SEL1L2: variants seen among roughly 807,000 people sequenced by gnomAD.
The protein encoded by SEL1L2 is protein sel-1 homolog 2.
A neutral mutation model predicts 98.8 loss-of-function variants in SEL1L2; 89 were observed. That is an observed-to-expected ratio of 0.90 (90% CI 0.76 to 1.07). The LOEUF is 1.07. Among genes scored for constraint, SEL1L2 ranks in the 50% least tolerant of loss-of-function variants. The pLI, the probability that SEL1L2 is intolerant of heterozygous loss-of-function variation, is 0.00. For synonymous variants in SEL1L2, 262 were observed against 278.5 expected, an observed-to-expected ratio of 0.94 and a Z score of 0.59; for missense variants, 788 against 812.0, an observed-to-expected ratio of 0.97 and a Z score of 0.36.
chr20:13,869,722 A>T (rs2046094763), intron 13 of SEL1L2, 132 bp from the exon 14 acceptor site: 1 of 607,942 alleles, frequency 1.6e-6, no homozygotes, highest in Non-Finnish European at 2.9e-6. Flanking sequence ...TATCAGAAAC[A>T]TTATATATTT....
chr20:13,887,660 G>A (rs974700292), intron 8 of SEL1L2, 109 bp downstream of exon 8: 18 of 704,868 alleles, frequency 2.6e-5, no homozygotes, highest in African/African-American at 1.4e-4. Flanking sequence ...TATTAAAAAC[G>A]TACACTTTTG....
chr20:13,925,942 A>G (rs1244981878), intron 3 of SEL1L2, among the ~76,000 whole-genome samples: 1 of 152,250 alleles, frequency 6.6e-6, no homozygotes, highest in Admixed American at 6.5e-5. Flanking sequence ...AAAAACTTGT[A>G]GTAAATACTA....
intron 1 of SEL1L2, among the ~76,000 whole-genome samples, chr20:13,986,800 T>C: frequency 6.6e-6 from 1 of 152,334 alleles, no homozygotes; most frequent in East Asian, 1.9e-4. Context: ...TCACATTGTA[T>C]AGGTTGGTGC....
intron 2 of SEL1L2, among the ~76,000 whole-genome samples, chr20:13,953,216 C>A (rs952164347): frequency 6.6e-6 from 1 of 152,122 alleles, no homozygotes; most frequent in African/African-American, 2.4e-5. Flanking sequence ...TGGTAAAAGG[C>A]CTTGGGATTT....
chr20:13,964,598 ATG>A (rs1487578671), intron 1 of SEL1L2, among the ~76,000 whole-genome samples: 1 of 151,646 alleles, frequency 6.6e-6, no homozygotes, highest in East Asian at 2.0e-4. Context: ...GATTACAGGC[ATG>A]CACCACCACC....
At chr20:13,867,696 T>A (rs2045991302) in intron 14 of SEL1L2, among the ~76,000 whole-genome samples, 1 of 151,890 alleles carries the variant, frequency 6.6e-6, no homozygotes, top group African/African-American at 2.4e-5. Flanking sequence ...GTTGAGAGGG[T>A]CAAATGAGTT....
chr20:13,857,733 T>C (rs1989389663), intron 18 of SEL1L2, among the ~76,000 whole-genome samples: 1 of 152,214 alleles, frequency 6.6e-6, no homozygotes. Flanking sequence ...GCATGAGGAA[T>C]GATGAGTAGA....
chr20:13,931,787 CTG>C lies in SEL1L2; in HGVS notation c.115-18_115-17del, dbSNP rs1346130195. 1 of 1,487,768 alleles carries C rather than the reference CTG, an allele frequency of 6.7e-7. No homozygotes were observed. The highest frequency in any genetic ancestry group is 2.6e-5 in the Admixed American group (1 of 38,370). The allele number at this position is 1,487,768 out of a possible 1,614,324, so 92.2% of individuals were successfully genotyped here. A position where few individuals can be genotyped will look rare whatever the true frequency, so the allele number is the denominator to read the frequency against. ...TCACTGATACCTACAAAGAAAAAGA[CTG>C]TTGCTCATTTTGTTCATGTGTGAGT... is the stretch of plus-strand genomic sequence containing the variant. On this transcript the variant is annotated splice_polypyrimidine_tract_variant and intron_variant, in intron 2 of 19. Transcript: ENST00000284951.
rs564436031 is a variant in SEL1L2, at chr20:13,957,747, A to G, written c.59-1616T>C. ...GCAAAAATTAGCCAGCTATGGTGGCATGCACCTGAAATCCAAGCTACTTAG... is the reference window on the plus strand; with the variant it reads ...GCAAAAATTAGCCAGCTATGGTGGCGTGCACCTGAAATCCAAGCTACTTAG... On this transcript the variant is annotated intron_variant, in intron 1 of 19. Coordinates refer to ENST00000284951, the MANE Select transcript of SEL1L2 (RefSeq NM_025229.2). Among the ~76,000 whole-genome samples, 34 of 152,192 alleles carry G rather than the reference A, an allele frequency of 2.2e-4. No individual in the cohort carries two copies. The South Asian group carries it at 7.1e-3, about 32-fold the overall frequency.
At chr20:13,969,902 C>T (rs1053101550) in intron 1 of SEL1L2, among the ~76,000 whole-genome samples, 3 of 152,110 alleles carry the variant, frequency 2.0e-5, no homozygotes, top group Non-Finnish European at 2.9e-5. Flanking sequence ...CTTCAATGAC[C>T]CATCATCCGT....
rs531227494 is a variant in SEL1L2 at position 13,976,265 on chromosome 20, G to T, written c.58+14212C>A. On this transcript the variant is annotated intron_variant, in intron 1 of 19. Coordinates refer to ENST00000284951, the MANE Select transcript of SEL1L2 (RefSeq NM_025229.2). ...TCCACCGGCCTCGGCCTCCCAAAGT[G>T]CTGGGATTACAGGGATAAGCCACAG... 4.6e-5 allele frequency among the ~76,000 whole-genome samples: 7 copies of T among 152,216 alleles called. No individual in the cohort carries two copies. In the South Asian group the frequency reaches 1.0e-3, roughly 23 times the overall value.
intron 12 of SEL1L2, among the ~76,000 whole-genome samples, chr20:13,871,032 A>C (rs1446745743): frequency 6.6e-6 from 1 of 151,920 alleles, no homozygotes. Flanking sequence ...TCAAGTTGTC[A>C]GGGGTGGTGA....
At chr20:13,985,048 C>T (rs547308782) in intron 1 of SEL1L2, among the ~76,000 whole-genome samples, 1 of 152,068 alleles carries the variant, frequency 6.6e-6, no homozygotes, top group South Asian at 2.1e-4. Context: ...GAACTTATTC[C>T]TCCTATTTAG....
chr20:13,980,829 T>A (rs2051783346), intron 1 of SEL1L2, among the ~76,000 whole-genome samples: 1 of 152,222 alleles, frequency 6.6e-6, no homozygotes, highest in Admixed American at 6.5e-5. Context: ...ATCATGCTAT[T>A]TGCAACAACA....
intron 9 of SEL1L2, 40 bp downstream of exon 9, chr20:13,886,248 T>G (rs2046948782): frequency 6.7e-6 from 10 of 1,487,486 alleles, no homozygotes; most frequent in Non-Finnish European, 9.2e-6. Context: ...CCCTTGTAAT[T>G]TTCATGTTCT....
At chr20:13,914,349 C>A (rs1430335525) in intron 4 of SEL1L2, among the ~76,000 whole-genome samples, 1 of 152,156 alleles carries the variant, frequency 6.6e-6, no homozygotes, top group Non-Finnish European at 1.5e-5. Context: ...AAAATAAATT[C>A]TGAAAAATAT....
chr20:13,986,463 T>A (rs957349037), intron 1 of SEL1L2, among the ~76,000 whole-genome samples: 1 of 152,100 alleles, frequency 6.6e-6, no homozygotes, highest in Non-Finnish European at 1.5e-5. Context: ...ATTTGCCTAT[T>A]TCAGATATTT....
intron 10 of SEL1L2, among the ~76,000 whole-genome samples, chr20:13,883,869 T>G (rs1023189841): frequency 6.6e-6 from 1 of 152,212 alleles, no homozygotes; most frequent in Non-Finnish European, 1.5e-5. Context: ...TAGTTACATA[T>G]TCTATGATTA....
chr20:13,903,548 A>G (rs1443414793), intron 5 of SEL1L2, among the ~76,000 whole-genome samples: 2 of 152,210 alleles, frequency 1.3e-5, no homozygotes, highest in African/African-American at 4.8e-5. Context: ...TTGCTATTCA[A>G]CTGACTAGTC....
Sources: gnomAD v4.1 joint callset for allele counts (sites outside exome capture counted in the v4.1 genomes callset) on GRCh38, gnomAD v4.1.1 for gene constraint, MANE v1.5 for transcripts, NCBI Gene and HGNC (gene_info 2026-07-23, HGNC 2026-07-21) for gene names.